Variants in MAPK6 observed in about 807,000 individuals in gnomAD.
MAPK6 encodes the protein mitogen-activated protein kinase 6, also known as ERK-3.
Under a neutral mutation model 59.3 loss-of-function variants are expected in MAPK6, and 19 were observed. That is an observed-to-expected ratio of 0.32 (90% CI 0.22 to 0.47). MAPK6 has a LOEUF of 0.47. Among genes scored for constraint, MAPK6 ranks in the 20% least tolerant of loss-of-function variants. The pLI, the probability that MAPK6 is intolerant of heterozygous loss-of-function variation, is 1.00. For missense variants in MAPK6, 724 were observed against 847.9 expected (o/e 0.85, Z 1.81); for synonymous variants, 316 against 290.3 (o/e 1.09, Z -0.90).
chr15:52,037,564 G>A (rs56307802), intron 1 of MAPK6, among the ~76,000 whole-genome samples: 8,335 of 152,202 alleles, frequency 0.055, 441 homozygotes, highest in African/African-American at 0.13. Flanking sequence ...ACCTCAACAA[G>A]ATAAGATGAG....
At chr15:52,061,259 G>C (rs780444734) in intron 4 of MAPK6, 40 bp from the exon 5 acceptor site, 1 of 1,445,678 alleles carries the variant, frequency 6.9e-7, no homozygotes, top group African/African-American at 1.4e-5. Flanking sequence ...CTAAAGGTAA[G>C]CAATTCTTTT....
intron 4 of MAPK6, among the ~76,000 whole-genome samples, chr15:52,059,354 CT>C (rs1171705669): frequency 6.6e-6 from 1 of 152,144 alleles, no homozygotes; most frequent in Non-Finnish European, 1.5e-5. Context: ...TCTTGAACTC[CT>C]GAGCTCAAGC....
intron 1 of MAPK6, among the ~76,000 whole-genome samples, chr15:52,033,432 T>C (rs1369997462): frequency 6.6e-6 from 1 of 152,168 alleles, no homozygotes; most frequent in Non-Finnish European, 1.5e-5. Context: ...GCTTTCATTT[T>C]TCATCCGTCC....
At chr15:52,000,063 C>G (rs2141823445) in intron 2 of MAPK6, among the ~76,000 whole-genome samples, 1 of 152,002 alleles carries the variant, frequency 6.6e-6, no homozygotes, top group Admixed American at 6.6e-5. Flanking sequence ...TTCACCTCCC[C>G]TGTAGCTGAG....
chr15:52,026,254 G>C (rs367576660), intron 1 of MAPK6, among the ~76,000 whole-genome samples: 24 of 152,156 alleles, frequency 1.6e-4, no homozygotes, highest in African/African-American at 5.1e-4. Context: ...TCCAGGTACC[G>C]AAACAGTGGT....
intron 3 of MAPK6, among the ~76,000 whole-genome samples, chr15:52,013,923 T>G (rs1290603396): frequency 6.6e-6 from 1 of 152,194 alleles, no homozygotes; most frequent in East Asian, 1.9e-4. Context: ...CTCTCTTTAG[T>G]GTAAAATCCA....
At chr15:52,058,853 G>C in intron 4 of MAPK6, 56 bp downstream of exon 4, 1 of 1,434,900 alleles carries the variant, frequency 7.0e-7, no homozygotes, top group Non-Finnish European at 9.3e-7. Flanking sequence ...GGCAGAATCT[G>C]TGTAGGGAAG....
chr15:52,019,985 C>T (rs1006283812), intron 1 of MAPK6: 1 of 152,592 alleles, frequency 6.6e-6, no homozygotes, highest in Non-Finnish European at 1.5e-5. Context: ...CCCGGCTCGT[C>T]TCAGAGCCCT....
At chr15:51,985,404 C>T (rs1383902488) in intron 2 of MAPK6, among the ~76,000 whole-genome samples, 1 of 151,816 alleles carries the variant, frequency 6.6e-6, no homozygotes, top group Non-Finnish European at 1.5e-5. Context: ...TCTACAATCC[C>T]AACACTTTGG....
At chr15:52,051,444 TAAGA>T (rs2031777463) in intron 3 of MAPK6, among the ~76,000 whole-genome samples, 1 of 151,720 alleles carries the variant, frequency 6.6e-6, no homozygotes. Context: ...TCTATTTACA[TAAGA>T]AAGATTAGTG....
chr15:52,050,827 T>A (rs1391971284), intron 3 of MAPK6, among the ~76,000 whole-genome samples: 1 of 152,164 alleles, frequency 6.6e-6, no homozygotes, highest in East Asian at 1.9e-4. Context: ...AGTATAAGCC[T>A]GGTGCATTCA....
At chr15:52,016,058 G>GCACA (rs1415530765), upstream of MAPK6, among the ~76,000 whole-genome samples, 4 of 54,880 alleles carry the variant, frequency 7.3e-5, no homozygotes, top group African/African-American at 3.3e-4. Flanking sequence ...TCCATCGCGC[G>GCACA]CGCGCGCGCG....
At chr15:51,996,738 G>T (rs1475865422) in intron 2 of MAPK6, among the ~76,000 whole-genome samples, 1 of 151,890 alleles carries the variant, frequency 6.6e-6, no homozygotes, top group Non-Finnish European at 1.5e-5. Flanking sequence ...TATTTCCCAG[G>T]CTGGAGTGCA....
chr15:52,056,736 T>G (rs543304848), intron 3 of MAPK6: 55 of 152,430 alleles, frequency 3.6e-4, no homozygotes, highest in African/African-American at 1.3e-3. Flanking sequence ...GTTGGAAGTA[T>G]CCCAGATTCA....
chr15:52,028,881 G>T (rs895482462), intron 1 of MAPK6, among the ~76,000 whole-genome samples: 1 of 152,200 alleles, frequency 6.6e-6, no homozygotes, highest in East Asian at 1.9e-4. Flanking sequence ...AACTACTCTA[G>T]TCAAGGTTGC....
At chr15:52,062,880 T>G (rs1015456164) in intron 5 of MAPK6, among the ~76,000 whole-genome samples, 10 of 149,258 alleles carry the variant, frequency 6.7e-5, no homozygotes, top group African/African-American at 2.3e-4. Flanking sequence ...GATGGTAGCT[T>G]ATAGAGTCAT....
chr15:52,001,509 C>CTTT lies in MAPK6; in HGVS notation c.-769-2741_-769-2739dup, dbSNP rs71130114. On this transcript the variant is annotated intron_variant, in intron 2 of 7. Coordinates refer to the MAPK6 transcript ENST00000691380. ...TGGTATACCTTTGTCCTTTTCCTTTCTTTTTTTTTTTTTTTTTCAGATGGA... is the reference window on the plus strand; with the variant it reads ...TGGTATACCTTTGTCCTTTTCCTTTCTTTTTTTTTTTTTTTTTTTTCAGATGGA... Among the ~76,000 whole-genome samples the CTTT allele has an allele frequency of 8.3e-4, 106 of 128,058 alleles. 3 individuals are homozygous for CTTT. The highest frequency in any genetic ancestry group is 1.6e-3 in the African/African-American group (53 of 33,670). 84.0% of individuals were successfully genotyped at this position (128,058 alleles called of 152,430 possible).
chr15:52,032,546 G>GTT (rs1777403154), intron 1 of MAPK6, among the ~76,000 whole-genome samples: 1 of 152,026 alleles, frequency 6.6e-6, no homozygotes, highest in Non-Finnish European at 1.5e-5. Flanking sequence ...CCCTTTCTGA[G>GTT]TTTTTTATTC....
intron 1 of MAPK6, among the ~76,000 whole-genome samples, chr15:52,026,471 A>G (rs1265081208): frequency 6.6e-6 from 1 of 151,972 alleles, no homozygotes; most frequent in Non-Finnish European, 1.5e-5. Context: ...TTATGTTTTT[A>G]GTAGAGATGG....
Sources: gnomAD v4.1 joint callset for allele counts (sites outside exome capture counted in the v4.1 genomes callset) on GRCh38, gnomAD v4.1.1 for gene constraint, MANE v1.5 for transcripts, NCBI Gene and HGNC (gene_info 2026-07-23, HGNC 2026-07-21) for gene names.